PDE12: variants seen among roughly 807,000 people sequenced by gnomAD.
PDE12 encodes the protein phosphodiesterase 12, also known as 2',5'-phosphodiesterase 12.
Under a neutral mutation model 45.4 loss-of-function variants are expected in PDE12, and 26 were observed. That is an observed-to-expected ratio of 0.57 (90% CI 0.42 to 0.79). The LOEUF (loss-of-function observed/expected upper bound fraction) is 0.79. PDE12 is among the 30% of genes least tolerant of loss of function. PDE12 has a pLI of 0.00. For missense variants in PDE12, 668 were observed against 790.0 expected, an observed-to-expected ratio of 0.85 and a Z score of 1.85; for synonymous variants, 283 against 323.9, an observed-to-expected ratio of 0.87 and a Z score of 1.36.
At chr3:57,613,691 G>T in the PDE12 span, among the ~76,000 whole-genome samples, 2 of 151,868 alleles carry the variant, frequency 1.3e-5, no homozygotes, top group African/African-American at 4.8e-5. Context: ...ACGAGGTCAG[G>T]AGATTGAGAC....
chr3:57,629,787 G>A, the PDE12 span, among the ~76,000 whole-genome samples: 1 of 151,666 alleles, frequency 6.6e-6, no homozygotes, highest in Non-Finnish European at 1.5e-5. Context: ...CTCCCAAAGT[G>A]CTGGGATTAC....
the PDE12 span, among the ~76,000 whole-genome samples, chr3:57,583,541 C>CT: frequency 2.0e-5 from 3 of 152,162 alleles, no homozygotes; most frequent in South Asian, 6.2e-4. Flanking sequence ...AAACAAAGGA[C>CT]TATCAATTGT....
chr3:57,557,733 G>A, intron 1 of PDE12, 46 bp downstream of exon 1: 1 of 1,531,422 alleles, frequency 6.5e-7, no homozygotes, highest in Non-Finnish European at 8.9e-7. Context: ...CCACTTTTAG[G>A]GGCCAGGAAG....
At chr3:57,616,373 CAGG>C in the PDE12 span, among the ~76,000 whole-genome samples, 2 of 134,758 alleles carry the variant, frequency 1.5e-5, no homozygotes, top group Non-Finnish European at 3.1e-5. Context: ...GAGGAGGAGG[CAGG>C]GGGGAGGAGG....
chr3:57,588,055 G>A, the PDE12 span, among the ~76,000 whole-genome samples: 1,712 of 152,206 alleles, frequency 0.011, 11 homozygotes, highest in Non-Finnish European at 0.017. Context: ...TTTCCTTAAT[G>A]TTGCAATATT....
chr3:57,653,415 T>C, the PDE12 span, among the ~76,000 whole-genome samples: 3 of 152,192 alleles, frequency 2.0e-5, no homozygotes, highest in African/African-American at 7.2e-5. Flanking sequence ...GGTAAGTTTT[T>C]AATATTCAGG....
At chr3:57,628,065 T>A in the PDE12 span, 1 of 1,173,998 alleles carries the variant, frequency 8.5e-7, no homozygotes, top group Non-Finnish European at 1.2e-6. Context: ...AAGGTCTGTT[T>A]ATACAATACA....
At chr3:57,622,314 CATG>C in the PDE12 span, among the ~76,000 whole-genome samples, 1 of 152,086 alleles carries the variant, frequency 6.6e-6, no homozygotes, top group African/African-American at 2.4e-5. Context: ...CTAATAAGCA[CATG>C]AAAAGATGCT....
At chr3:57,624,105 A>C in the PDE12 span, among the ~76,000 whole-genome samples, 1 of 151,838 alleles carries the variant, frequency 6.6e-6, no homozygotes, top group African/African-American at 2.4e-5. Flanking sequence ...CTCCCACCTT[A>C]GCCTCCCAAG....
the PDE12 span, among the ~76,000 whole-genome samples, chr3:57,642,332 A>G: frequency 6.6e-6 from 1 of 151,636 alleles, no homozygotes; most frequent in Non-Finnish European, 1.5e-5. Context: ...AAAAAAAAAA[A>G]AAGCATAATA....
rs767549984 is a variant in PDE12, at chr3:57,557,665, T to C, written c.1286T>C (p.Leu429Pro). ...TACCCATCAGCGCAGGAGAAGGTGCTCCAGAGATCTTCTGTTCTTCAGGTA... is the reference window on the plus strand; with the variant it reads ...TACCCATCAGCGCAGGAGAAGGTGCCCCAGAGATCTTCTGTTCTTCAGGTA... Reference protein sequence around the residue: ...VLYPSAQEKVLQRSSVLQVSV... With the variant: ...VLYPSAQEKVPQRSSVLQVSV... The change falls in exon 1 of 3, where the codon CTC (leucine) becomes CCC (proline). Residue 429 changes from leucine (L) to proline (P), a missense_variant. Leu to Pro is a moderately conservative substitution (Grantham distance 98). This residue lies in a region of PDE12 where 580 missense variants were observed against 662.9 expected (regional missense o/e 0.87). Coordinates refer to ENST00000311180, the MANE Select transcript of PDE12 (RefSeq NM_177966.7). 6 of 1,613,860 alleles carry C rather than the reference T, an allele frequency of 3.7e-6. No homozygotes were observed. The highest frequency in any genetic ancestry group is 1.1e-5 in the South Asian group (1 of 91,074).
At chr3:57,620,261 A>C in the PDE12 span, among the ~76,000 whole-genome samples, 2 of 151,894 alleles carry the variant, frequency 1.3e-5, no homozygotes, top group African/African-American at 4.8e-5. Context: ...TTAAGATCAG[A>C]AACAAAGAGC....
the PDE12 span, among the ~76,000 whole-genome samples, chr3:57,603,041 C>A: frequency 6.6e-6 from 1 of 151,766 alleles, no homozygotes; most frequent in Non-Finnish European, 1.5e-5. Flanking sequence ...GTGGCGGGCG[C>A]CTGTAATCCC....
downstream of PDE12, among the ~76,000 whole-genome samples, chr3:57,569,222 C>T (rs982304535): frequency 6.6e-6 from 1 of 151,988 alleles, no homozygotes; most frequent in African/African-American, 2.4e-5. Flanking sequence ...TAGGGGTTAT[C>T]TCTCAATACT....
At position 57,566,725 on chromosome 3, in the gene PDE12, A is replaced by C. The variant is rs1318817013; in HGVS notation, c.*6721A>C. On this transcript the variant is annotated 3_prime_UTR_variant, in exon 3 of 3. Coordinates refer to ENST00000311180, the MANE Select transcript of PDE12 (RefSeq NM_177966.7). ...GGTTAACGATGTTAAGCATCTTTTC[A>C]TGTGCTCGTTGGCCATCTATATATC... 6.6e-6 allele frequency: 1 copy of C among 152,142 alleles called. No individual in the cohort carries two copies. The highest frequency in any genetic ancestry group is 1.5e-5 in the Non-Finnish European group (1 of 68,032). The allele number at this position is 152,142 out of a possible 1,614,324, so 9.4% of individuals were successfully genotyped here. A position where few individuals can be genotyped will look rare whatever the true frequency, so the allele number is the denominator to read the frequency against.
At chr3:57,614,405 T>G in the PDE12 span, among the ~76,000 whole-genome samples, 1 of 152,144 alleles carries the variant, frequency 6.6e-6, no homozygotes, top group Non-Finnish European at 1.5e-5. Flanking sequence ...GAAAAAAAAT[T>G]TTGAAGGGGA....
chr3:57,633,346 T>C, the PDE12 span: 4 of 1,613,128 alleles, frequency 2.5e-6, no homozygotes, highest in East Asian at 6.7e-5. Context: ...GACGTTTCTG[T>C]TGTACACCCT....
chr3:57,590,610 CCTTT>C, the PDE12 span, among the ~76,000 whole-genome samples: 1 of 152,152 alleles, frequency 6.6e-6, no homozygotes, highest in Non-Finnish European at 1.5e-5. Context: ...TTCATGTTTT[CCTTT>C]ATCTTTCAAA....
At chr3:57,589,732 A>T in the PDE12 span, among the ~76,000 whole-genome samples, 1 of 151,124 alleles carries the variant, frequency 6.6e-6, no homozygotes, top group Admixed American at 6.6e-5. Flanking sequence ...AAACAAACAA[A>T]AAACCCAAAA....
Sources: allele counts gnomAD v4.1 joint callset (sites outside exome capture counted in the v4.1 genomes callset), GRCh38; gene constraint gnomAD v4.1.1; regional missense constraint gnomAD v4.1.1; transcripts MANE v1.5; gene names NCBI Gene and HGNC (gene_info 2026-07-23, HGNC 2026-07-21).